STAT3: variants seen among roughly 807,000 people sequenced by gnomAD.
STAT3 encodes the protein DNA-binding protein APRF.
STAT3 carries 7 observed loss-of-function variants against 114.3 expected under a neutral mutation model. The observed-to-expected ratio is 0.06, with a 90% CI of 0.03 to 0.11. STAT3 has a LOEUF of 0.11. Among genes scored for constraint, STAT3 ranks in the 10% least tolerant of loss-of-function variants. The probability of loss-of-function intolerance (pLI) is 1.00; values close to 1 mark genes in which losing one functional copy is unlikely to be tolerated. For synonymous variants in STAT3, 331 were observed against 354.5 expected (o/e 0.93, Z 0.74); for missense variants, 364 against 960.9 (o/e 0.38, Z 8.21).
chr17:42,340,082 G>C (rs1465832800), intron 4 of STAT3, among the ~76,000 whole-genome samples: 1 of 152,098 alleles, frequency 6.6e-6, no homozygotes, highest in Non-Finnish European at 1.5e-5. Context: ...TTCGTGCCAG[G>C]TGCGGTGGCT....
chr17:42,325,823 A>T (rs2081688470), intron 15 of STAT3, among the ~76,000 whole-genome samples: 1 of 152,124 alleles, frequency 6.6e-6, no homozygotes, highest in Non-Finnish European at 1.5e-5. Context: ...CAGCCTCCCA[A>T]AGTGCTGGGA....
chr17:42,364,032 G>A (rs1022865053), intron 1 of STAT3, among the ~76,000 whole-genome samples: 1 of 152,024 alleles, frequency 6.6e-6, no homozygotes, highest in Admixed American at 6.6e-5. Flanking sequence ...TTGAGGAGCA[G>A]CTCTCTGCTG....
At chr17:42,362,994 T>C (rs2083593290) in intron 1 of STAT3, among the ~76,000 whole-genome samples, 1 of 152,212 alleles carries the variant, frequency 6.6e-6, no homozygotes, top group Non-Finnish European at 1.5e-5. Context: ...ATAACCACTA[T>C]GCTGGACTGA....
At chr17:42,317,907 A>C (rs1275102511) in intron 21 of STAT3, among the ~76,000 whole-genome samples, 1 of 152,148 alleles carries the variant, frequency 6.6e-6, no homozygotes, top group Non-Finnish European at 1.5e-5. Flanking sequence ...GTACATCTTC[A>C]ATAGCTAAGA....
At chr17:42,317,110 C>A (rs1224711585) in intron 22 of STAT3, 72 bp downstream of exon 22, 1 of 1,607,282 alleles carries the variant, frequency 6.2e-7, no homozygotes, top group Non-Finnish European at 8.5e-7. Context: ...TAACTCTCAC[C>A]CAGTGTCCCA....
In STAT3 at chr17:42,338,630, G is replaced by C. The variant is rs560972285; in HGVS notation, c.550+101C>G. On this transcript the variant is annotated intron_variant, in intron 6 of 23. Transcript: ENST00000264657. ...AGGACCCGTACCTCCCTTGCGCCCC[G>C]CCCGCCTTAAGATCTAAACAGAGTT... 9.4e-5 allele frequency: 112 copies of C among 1,185,924 alleles called. 1 individual carries two copies. The South Asian group carries it at 1.4e-3, about 15-fold the overall frequency. The allele number at this position is 1,185,924 out of a possible 1,614,324, so 73.5% of individuals were successfully genotyped here.
intron 1 of STAT3, chr17:42,388,039 C>T: frequency 2.2e-6 from 1 of 447,532 alleles, no homozygotes; most frequent in Non-Finnish European, 3.6e-6. Context: ...GGTGCCCCCT[C>T]GAGCGCGTTC....
In STAT3 at chr17:42,337,733, TG is replaced by T. The variant is rs942804556; in HGVS notation, c.645+29del. 1 of 1,613,562 alleles carries T rather than the reference TG, an allele frequency of 6.2e-7. No homozygotes were observed. Among genetic ancestry groups the T allele is most frequent in the African/African-American group, 1.3e-5 (1 of 74,928 alleles). On this transcript the variant is annotated intron_variant, in intron 7 of 23. Coordinates refer to ENST00000264657, the MANE Select transcript of STAT3 (RefSeq NM_139276.3). This position sits in a 1 kb window ranked among gnomAD's most constrained non-coding sequence, Gnocchi z 4.0. ...AAATCCCGCAAGTGAGCGAGACACA[TG>T]GGGGAAGTGGTCCGACCTATGCCCT...
intron 5 of STAT3, among the ~76,000 whole-genome samples, 190 bp downstream of exon 5, chr17:42,339,124 T>C (rs905843087): frequency 2.6e-5 from 4 of 151,270 alleles, no homozygotes; most frequent in Admixed American, 6.6e-5. Flanking sequence ...GGCGTGGTGG[T>C]GCATGCCTGT....
Position 42,329,619 on chromosome 17 carries a change from T to C in STAT3, c.1168A>G (p.Asn390Asp). 6.2e-7 allele frequency: 1 copy of C among 1,614,232 alleles called. No individual in the cohort carries two copies. ...TCTTCCATGTTCATCACTTTTGTGT[T>C]TGTGCCCAGAATGTTAAATTTCCGG... Reference protein sequence around the residue: ...GSRKFNILGTNTKVMNMEESN... With the variant: ...GSRKFNILGTDTKVMNMEESN... Residue 390 changes from asparagine to aspartate, a missense_variant, in exon 13 of 24, where the codon AAC becomes GAC. Around this residue, in one of 5 missense-constraint regions of STAT3, gnomAD observed 294 missense variants for 745.1 expected, o/e 0.39. Coordinates refer to ENST00000264657, the MANE Select transcript of STAT3 (RefSeq NM_139276.3).
In STAT3 at chr17:42,338,823, T is replaced by C; in HGVS notation, c.469-11A>G. ...TTTCTGTTCTAGATCCTGTTTAAAA[T>C]AAGCAAACAAAAAAACAGAAGTAAA... is the stretch of plus-strand genomic sequence containing the variant. On this transcript the variant is annotated splice_polypyrimidine_tract_variant and intron_variant, in intron 5 of 23. Transcript: ENST00000264657. The C allele has an allele frequency of 6.2e-6, 10 of 1,604,452 alleles. No homozygotes were observed. Among genetic ancestry groups the C allele is most frequent in the Non-Finnish European group, 8.5e-6 (10 of 1,172,964 alleles).
At position 42,331,456 on chromosome 17, in the gene STAT3, A is replaced by G; in HGVS notation, c.1109+16T>C. Reference sequence around the variant, plus strand: ...ATTCCTCATTTGAAAAACAGAGCTAAGATAGGAGTACTTACTTGTCAATGC... The same window carrying G: ...ATTCCTCATTTGAAAAACAGAGCTAGGATAGGAGTACTTACTTGTCAATGC... On this transcript the variant is annotated intron_variant, in intron 11 of 23. Transcript: ENST00000264657. 6.2e-7 allele frequency: 1 copy of G among 1,607,462 alleles called. No homozygotes were observed. Among genetic ancestry groups the G allele is most frequent in the Non-Finnish European group, 8.5e-7 (1 of 1,174,250 alleles).
intron 1 of STAT3, among the ~76,000 whole-genome samples, chr17:42,359,643 C>A (rs2083409740): frequency 6.6e-6 from 1 of 152,194 alleles, no homozygotes; most frequent in South Asian, 2.1e-4. Context: ...GCACTTTTTA[C>A]AAGAAGCCAG....
At chr17:42,378,046 C>T (rs1033027942) in intron 1 of STAT3, among the ~76,000 whole-genome samples, 7 of 139,032 alleles carry the variant, frequency 5.0e-5, no homozygotes, top group Admixed American at 1.6e-4. Flanking sequence ...AGTGCAATGG[C>T]GCGATCTCGG....
At chr17:42,361,586 G>T (rs1555573742) in intron 1 of STAT3, among the ~76,000 whole-genome samples, 1 of 151,976 alleles carries the variant, frequency 6.6e-6, no homozygotes, top group Non-Finnish European at 1.5e-5. Flanking sequence ...CGAAATCAGA[G>T]CAGAGATCAG....
intron 1 of STAT3, among the ~76,000 whole-genome samples, chr17:42,365,145 C>G (rs1567746955): frequency 6.6e-6 from 1 of 152,148 alleles, no homozygotes; most frequent in Non-Finnish European, 1.5e-5. Flanking sequence ...CATAACTGTT[C>G]CAACCAATAG....
chr17:42,384,132 A>ATTT (rs371933640), intron 1 of STAT3, among the ~76,000 whole-genome samples: 21 of 134,950 alleles, frequency 1.6e-4, no homozygotes, highest in South Asian at 4.8e-4. Flanking sequence ...TTATTTATTT[A>ATTT]TTTTTTTTTT....
In STAT3 at chr17:42,339,233, G is replaced by A. The variant is rs1435334700; in HGVS notation, c.468+81C>T. 8.7e-6 allele frequency: 12 copies of A among 1,381,444 alleles called. No individual in the cohort carries two copies. In the African/African-American group the frequency reaches 1.7e-4, roughly 20 times the overall value. The allele number at this position is 1,381,444 out of a possible 1,614,324, so 85.6% of individuals were successfully genotyped here. A position where few individuals can be genotyped will look rare whatever the true frequency, so the allele number is the denominator to read the frequency against. On this transcript the variant is annotated intron_variant, in intron 5 of 23. Transcript: ENST00000264657. ...ATCATGCCACTGCAGCCCAGCCTGA[G>A]TGGCAGAGCAAGACCCTGTCTCAAA...
At chr17:42,316,975 A>G (rs1000538092) in intron 22 of STAT3, 74 bp from the exon 23 acceptor site, 2 of 1,572,692 alleles carry the variant, frequency 1.3e-6, no homozygotes, top group Middle Eastern at 1.9e-4. Flanking sequence ...AAAAAGAACA[A>G]AACACACACA....
Sources: allele counts gnomAD v4.1 joint callset (sites outside exome capture counted in the v4.1 genomes callset), GRCh38; gene constraint gnomAD v4.1.1; regional missense constraint gnomAD v4.1.1; non-coding constraint Gnocchi (gnomAD v3.1); transcripts MANE v1.5; gene names NCBI Gene and HGNC (gene_info 2026-07-23, HGNC 2026-07-21).